The following NCS1 variants were observed in gnomAD, a reference collection of about 807,000 sequenced individuals.
The protein encoded by NCS1 is frequenin homolog.
NCS1 carries 6 observed loss-of-function variants against 28.4 expected under a neutral mutation model. That is an observed-to-expected ratio of 0.21 (90% confidence interval 0.12 to 0.42). The LOEUF (loss-of-function observed/expected upper bound fraction) is 0.42, where lower values mean the gene tolerates loss of function less well. Ranked by LOEUF, NCS1 falls within the 10% of genes least tolerant of loss-of-function variation. NCS1 has a pLI of 1.00. For synonymous variants in NCS1, 86 were observed against 99.3 expected, an observed-to-expected ratio of 0.87 and a Z score of 0.79; for missense variants, 131 against 241.4, an observed-to-expected ratio of 0.54 and a Z score of 3.03.
intron 2 of NCS1, among the ~76,000 whole-genome samples, chr9:130,217,207 G>C (rs547381358): frequency 6.6e-6 from 1 of 152,226 alleles, no homozygotes; most frequent in Non-Finnish European, 1.5e-5. Context: ...CCATTCCGGC[G>C]TCAGCCACGT....
At chr9:130,201,640 C>G (rs562660367) in intron 2 of NCS1, among the ~76,000 whole-genome samples, 3 of 152,014 alleles carry the variant, frequency 2.0e-5, no homozygotes, top group Non-Finnish European at 4.4e-5. Flanking sequence ...AGGGGTGGCA[C>G]GTAGGGACAT....
At chr9:130,210,331 G>A (rs1450894096) in intron 2 of NCS1, among the ~76,000 whole-genome samples, 1 of 151,574 alleles carries the variant, frequency 6.6e-6, no homozygotes, top group Non-Finnish European at 1.5e-5. Context: ...CCTGGGAGGC[G>A]GAAGTTGCAG....
At chr9:130,222,319 A>T (rs1833341943) in intron 4 of NCS1, among the ~76,000 whole-genome samples, 1 of 151,292 alleles carries the variant, frequency 6.6e-6, no homozygotes, top group African/African-American at 2.4e-5. Context: ...AGGCCTGGCT[A>T]ATTTTTGTAT....
chr9:130,211,899 G>A (rs1833117901), intron 2 of NCS1, among the ~76,000 whole-genome samples: 1 of 152,194 alleles, frequency 6.6e-6, no homozygotes, highest in South Asian at 2.1e-4. Context: ...TGGGGGATGG[G>A]GTGCTGGGAG....
At chr9:130,225,439 G>A (rs1392606330) in intron 6 of NCS1, among the ~76,000 whole-genome samples, 10 of 152,254 alleles carry the variant, frequency 6.6e-5, no homozygotes, top group African/African-American at 1.7e-4. Flanking sequence ...TAAGTTTCTC[G>A]TGGTGTGCGT....
Position 130,235,670 on chromosome 9 carries a change from T to C in NCS1, c.*2698T>C, listed in dbSNP as rs1490390659. ...GCCCTTCCCGGCCCTGGCGGGGTGC[T>C]GGACACTGGCCATTTTCACTAGAGT... On this transcript the variant is annotated 3_prime_UTR_variant, in exon 8 of 8. Transcript: ENST00000372398. 3 of 152,436 alleles carry C rather than the reference T, an allele frequency of 2.0e-5. No homozygotes were observed. Among genetic ancestry groups the C allele is most frequent in the Admixed American group, 6.5e-5 (1 of 15,290 alleles). The allele number at this position is 152,436 out of a possible 1,614,324, so 9.4% of individuals were successfully genotyped here.
chr9:130,189,880 ATATAT>A (rs869043305), intron 1 of NCS1, among the ~76,000 whole-genome samples: 2,000 of 47,468 alleles, frequency 0.042, 61 homozygotes, highest in African/African-American at 0.098. Context: ...AAAAAAAAAA[ATATAT>A]ATATATATAT....
intron 1 of NCS1, among the ~76,000 whole-genome samples, chr9:130,178,941 CT>C (rs559251146): frequency 6.4e-5 from 6 of 93,774 alleles, no homozygotes; most frequent in African/African-American, 8.6e-5. Context: ...CTTCCCTCCT[CT>C]TTTTTTTTTT....
chr9:130,183,488 C>T (rs1554905339), intron 1 of NCS1, among the ~76,000 whole-genome samples: 2 of 152,158 alleles, frequency 1.3e-5, no homozygotes, highest in Non-Finnish European at 2.9e-5. Flanking sequence ...TAACCCAAGG[C>T]AGAAATAGCA....
intron 1 of NCS1, among the ~76,000 whole-genome samples, chr9:130,176,640 C>T (rs1230049945): frequency 8.5e-5 from 13 of 152,226 alleles, no homozygotes; most frequent in African/African-American, 2.9e-4. Context: ...ACATCTATGA[C>T]TGCTGTGCCT....
rs192449811 is a variant in NCS1 at position 130,232,751 on chromosome 9, A to T, written c.*18-239A>T. Among the ~76,000 whole-genome samples the T allele has an allele frequency of 1.3e-3, 191 of 152,272 alleles. No individual in the cohort carries two copies. The South Asian group carries it at 0.013, about 10-fold the overall frequency. ...CAGTGAGCCGAGATTATGCCACTGC[A>T]CTGCAGCCCAGGTGACAGAGCAAGA... is the stretch of plus-strand genomic sequence containing the variant. On this transcript the variant is annotated intron_variant, in intron 7 of 7. Transcript: ENST00000372398. This position sits in a 1 kb window ranked among gnomAD's most constrained non-coding sequence, Gnocchi z 4.4.
chr9:130,197,930 A>C (rs1272014675), intron 1 of NCS1, among the ~76,000 whole-genome samples: 3 of 146,176 alleles, frequency 2.1e-5, no homozygotes, highest in Non-Finnish European at 4.5e-5. Flanking sequence ...GTGCCACTGC[A>C]CTCCAGCCTG....
chr9:130,217,188 A>C (rs1384608090), intron 2 of NCS1, among the ~76,000 whole-genome samples: 1 of 152,170 alleles, frequency 6.6e-6, no homozygotes, highest in African/African-American at 2.4e-5. Flanking sequence ...TGGGATTGGG[A>C]GTGCAAAGCC....
At chr9:130,221,413 TAGAGAGAGAGAG>T (rs782666520) in intron 4 of NCS1, among the ~76,000 whole-genome samples, 19 of 57,728 alleles carry the variant, frequency 3.3e-4, no homozygotes, top group South Asian at 6.9e-4. Flanking sequence ...TATATATATA[TAGAGAGAGAGAG>T]AGAGAGAGAG....
At chr9:130,188,479 A>ATGGCTCGATCT (rs1270298429) in intron 1 of NCS1, among the ~76,000 whole-genome samples, 7 of 48,148 alleles carry the variant, frequency 1.5e-4, no homozygotes, top group East Asian at 1.9e-3. Flanking sequence ...CTGGAGTGCA[A>ATGGCTCGATCT]TGGCTCGATC....
rs1325956380 is a variant in NCS1, at chr9:130,215,318, G to C, written c.90-2514G>C. Among the ~76,000 whole-genome samples the C allele has an allele frequency of 6.6e-6, 1 of 152,146 alleles. No homozygotes were observed. The highest frequency in any genetic ancestry group is 1.5e-5 in the Non-Finnish European group (1 of 68,020). The stretch of plus-strand genomic sequence containing the variant: ...AGAAGGCAGGTTTAAGGGCCAGGAC[G>C]GGGGTGGCTGTGTCCCTTCCTCCTG... On this transcript the variant is annotated intron_variant, in intron 2 of 7. Transcript: ENST00000372398. This position sits in a 1 kb window ranked among gnomAD's most constrained non-coding sequence, Gnocchi z 4.2.
intron 1 of NCS1, among the ~76,000 whole-genome samples, chr9:130,176,825 GA>G (rs1229894718): frequency 3.3e-5 from 5 of 152,260 alleles, no homozygotes; most frequent in African/African-American, 1.2e-4. Flanking sequence ...CGGGTTATCC[GA>G]AAACTCCAGC....
At chr9:130,185,651 G>A (rs1217073477) in intron 1 of NCS1, among the ~76,000 whole-genome samples, 1 of 152,254 alleles carries the variant, frequency 6.6e-6, no homozygotes, top group African/African-American at 2.4e-5. Flanking sequence ...CTGTTCAGAG[G>A]CAGGAGCTGG....
intron 1 of NCS1, among the ~76,000 whole-genome samples, chr9:130,193,557 G>T (rs1380534713): frequency 1.3e-5 from 2 of 152,086 alleles, no homozygotes; most frequent in African/African-American, 4.8e-5. Context: ...CTGGGAAGAG[G>T]CCCGGGCGAT....
Sources: gnomAD v4.1 joint callset for allele counts (sites outside exome capture counted in the v4.1 genomes callset) on GRCh38, gnomAD v4.1.1 for gene constraint, Gnocchi (gnomAD v3.1) non-coding constraint, MANE v1.5 for transcripts, NCBI Gene and HGNC (gene_info 2026-07-23, HGNC 2026-07-21) for gene names.